NSD1: variants seen among roughly 807,000 people sequenced by gnomAD.
NSD1 encodes the protein nuclear receptor binding SET domain protein 1, also known as histone-lysine N-methyltransferase, H3 lysine-36 specific.
In NSD1, 26 loss-of-function variants were observed where a neutral mutation model predicts 242.7. That is an observed-to-expected ratio of 0.11 (90% confidence interval 0.08 to 0.15). The LOEUF (loss-of-function observed/expected upper bound fraction) is 0.15. Ranked by LOEUF, NSD1 falls within the 10% of genes least tolerant of loss-of-function variation. The probability of loss-of-function intolerance (pLI) is 1.00; values close to 1 mark genes in which losing one functional copy is unlikely to be tolerated. For synonymous variants in NSD1, 1,106 were observed against 1,178.1 expected, an observed-to-expected ratio of 0.94 and a Z score of 1.25; for missense variants, 2,495 against 3,272.8, an observed-to-expected ratio of 0.76 and a Z score of 5.80.
At chr5:177,149,254 T>C (rs933001276) in intron 2 of NSD1, among the ~76,000 whole-genome samples, 1 of 152,086 alleles carries the variant, frequency 6.6e-6, no homozygotes, top group African/African-American at 2.4e-5. Context: ...ATGTTGCTCT[T>C]GTTGCCCAGA....
In NSD1 at chr5:177,263,175, C is replaced by T. The variant is rs541156418; in HGVS notation, c.5146+3007C>T. On this transcript the variant is annotated intron_variant, in intron 14 of 22. Transcript: ENST00000439151. Reference sequence around the variant, plus strand: ...CCTGAGGTTGTGTCATGGACGTGATCGTCACCTTGGCAAAATAAACTTTCT... The same window carrying T: ...CCTGAGGTTGTGTCATGGACGTGATTGTCACCTTGGCAAAATAAACTTTCT... Among the ~76,000 whole-genome samples, 35 of 152,338 alleles carry T rather than the reference C, an allele frequency of 2.3e-4. 1 individual carries two copies. The South Asian group carries it at 6.6e-3, about 29-fold the overall frequency.
chr5:177,139,840 C>A (rs1756662220), intron 2 of NSD1, among the ~76,000 whole-genome samples: 1 of 151,414 alleles, frequency 6.6e-6, no homozygotes, highest in Non-Finnish European at 1.5e-5. Flanking sequence ...ACTCAGGAGG[C>A]TGAGGCAGTA....
At chr5:177,140,481 G>A (rs553781980) in intron 2 of NSD1, among the ~76,000 whole-genome samples, 1 of 152,216 alleles carries the variant, frequency 6.6e-6, no homozygotes, top group African/African-American at 2.4e-5. Context: ...TTGAGTAGAG[G>A]AGATTAGAGG....
Position 177,210,309 on chromosome 5 carries a change from G to C in NSD1, c.1910G>C (p.Ser637Thr). Residue 637 changes from serine to threonine, a missense_variant, in exon 5 of 23, where the codon AGT becomes ACT. This residue lies in a region of NSD1 where 515 missense variants were observed against 467.0 expected (regional missense o/e 1.10). Coordinates refer to ENST00000439151, the MANE Select transcript of NSD1 (RefSeq NM_022455.5). The part of the protein sequence containing the change: ...GDEEKRSDSI[S>T]ICTTSDDGSS... ...GAGGAAAAGCGAAGTGATTCCATTA[G>C]TATCTGTACCACTTCTGATGATGGA... 6.2e-7 allele frequency: 1 copy of C among 1,613,418 alleles called. No individual in the cohort carries two copies. Among genetic ancestry groups the C allele is most frequent in the South Asian group, 1.1e-5 (1 of 90,996 alleles).
At chr5:177,201,562 CTTT>C (rs754318510) in intron 3 of NSD1, among the ~76,000 whole-genome samples, 1 of 127,248 alleles carries the variant, frequency 7.9e-6, no homozygotes, top group Non-Finnish European at 1.7e-5. Context: ...TAACTGTTTA[CTTT>C]TTTTTTTTTT....
intron 14 of NSD1, among the ~76,000 whole-genome samples, chr5:177,261,141 C>A (rs936367320): frequency 2.0e-4 from 31 of 152,116 alleles, no homozygotes; most frequent in Admixed American, 1.9e-3. Context: ...TGCTGCCACG[C>A]CACTCCCCAT....
In NSD1 at chr5:177,211,776, G is replaced by A; in HGVS notation, c.3377G>A (p.Gly1126Glu). 3 of 1,614,086 alleles carry A rather than the reference G, an allele frequency of 1.9e-6. No individual in the cohort carries two copies. The highest frequency in any genetic ancestry group is 2.5e-6 in the Non-Finnish European group (3 of 1,180,016). ...QSDPGKISEK[G>E]LSFENGKGPE... ...GATCCTGGTAAAATTTCTGAAAAAGGACTCTCTTTTGAAAACGGAAAAGGC... is the reference window on the plus strand; with the variant it reads ...GATCCTGGTAAAATTTCTGAAAAAGAACTCTCTTTTGAAAACGGAAAAGGC... The change falls in exon 5 of 23, where the codon GGA becomes GAA. Residue 1126 changes from glycine to glutamate, a missense_variant. Coordinates refer to ENST00000439151, the MANE Select transcript of NSD1 (RefSeq NM_022455.5).
intron 2 of NSD1, among the ~76,000 whole-genome samples, chr5:177,152,309 T>TTG (rs34710422): frequency 2.1e-5 from 3 of 145,464 alleles, no homozygotes; most frequent in Admixed American, 1.4e-4. Flanking sequence ...CCGAGCCAGG[T>TTG]TGTGTGTGTG....
At chr5:177,217,050 G>A (rs1216669496) in intron 5 of NSD1, among the ~76,000 whole-genome samples, 1 of 151,368 alleles carries the variant, frequency 6.6e-6, no homozygotes, top group Non-Finnish European at 1.5e-5. Context: ...AAAAAAAATG[G>A]CTTTTGAGAT....
At chr5:177,249,699 G>A (rs1349815285) in intron 11 of NSD1, among the ~76,000 whole-genome samples, 2 of 152,130 alleles carry the variant, frequency 1.3e-5, no homozygotes, top group Non-Finnish European at 2.9e-5. Flanking sequence ...GTGTTGGCGA[G>A]GATGGTCTCG....
chr5:177,196,633 T>C (rs1418279085), intron 3 of NSD1, among the ~76,000 whole-genome samples: 1 of 152,086 alleles, frequency 6.6e-6, no homozygotes, highest in African/African-American at 2.4e-5. Flanking sequence ...CATCTATAAC[T>C]CAGAAAGGAC....
At chr5:177,159,537 G>A (rs191468641) in intron 2 of NSD1, among the ~76,000 whole-genome samples, 1 of 151,412 alleles carries the variant, frequency 6.6e-6, no homozygotes, top group Non-Finnish European at 1.5e-5. Context: ...GCCCACCTAA[G>A]CCTTCCAAAG....
chr5:177,292,299 T>C (rs933812946), intron 22 of NSD1, 141 bp downstream of exon 22: 2 of 840,130 alleles, frequency 2.4e-6, no homozygotes, highest in African/African-American at 1.7e-5. Flanking sequence ...TTTTCTTATT[T>C]TGGAAATAAT....
intron 2 of NSD1, among the ~76,000 whole-genome samples, chr5:177,162,057 G>A (rs1452783098): frequency 6.6e-6 from 1 of 152,002 alleles, no homozygotes; most frequent in African/African-American, 2.4e-5. Flanking sequence ...CAGCACTTTG[G>A]GAGGCTGAGG....
chr5:177,285,532 C>G (rs1405882543), intron 20 of NSD1, among the ~76,000 whole-genome samples: 1 of 123,172 alleles, frequency 8.1e-6, no homozygotes, highest in Non-Finnish European at 1.6e-5. Context: ...CCACTGCACT[C>G]TAGCCCGGGC....
At chr5:177,214,653 A>G (rs1481897981) in intron 5 of NSD1, among the ~76,000 whole-genome samples, 1 of 144,770 alleles carries the variant, frequency 6.9e-6, no homozygotes, top group South Asian at 2.2e-4. Context: ...ATGTTGTAGC[A>G]TATGACAGGA....
At chr5:177,186,601 A>G (rs1761253575) in intron 2 of NSD1, among the ~76,000 whole-genome samples, 1 of 152,226 alleles carries the variant, frequency 6.6e-6, no homozygotes, top group Non-Finnish European at 1.5e-5. Flanking sequence ...TTAGAGTTGT[A>G]GAGATGTCTT....
Position 177,210,263 on chromosome 5 carries a change from T to G in NSD1, c.1864T>G (p.Cys622Gly). ...GGTGTGTGGTTCAAAAGTGAAGCTCTGCTATATTGGAGCAGGTGATGAGGA... is the reference window on the plus strand; with the variant it reads ...GGTGTGTGGTTCAAAAGTGAAGCTCGGCTATATTGGAGCAGGTGATGAGGA... ...SLVCGSKVKL[C>G]YIGAGDEEKR... is the part of the protein sequence containing the mutation. The change falls in exon 5 of 23, where the codon TGC (cysteine) becomes GGC (glycine). Residue 622 changes from cysteine to glycine, a missense_variant. Cys to Gly is a radical substitution (Grantham distance 159, BLOSUM62 -3). Around this residue, in one of 19 missense-constraint regions of NSD1, gnomAD observed 515 missense variants for 467.0 expected, o/e 1.10. Transcript: ENST00000439151. 6.2e-7 allele frequency: 1 copy of G among 1,604,948 alleles called. No homozygotes were observed. The highest frequency in any genetic ancestry group is 8.5e-7 in the Non-Finnish European group (1 of 1,175,332).
chr5:177,284,034 G>A (rs556214832), intron 20 of NSD1, 106 bp downstream of exon 20: 57 of 1,343,760 alleles, frequency 4.2e-5, no homozygotes, highest in South Asian at 3.6e-4. Context: ...TATATGTACC[G>A]TTCTCTGGAA....
Sources: allele counts gnomAD v4.1 joint callset (sites outside exome capture counted in the v4.1 genomes callset), GRCh38; gene constraint gnomAD v4.1.1; regional missense constraint gnomAD v4.1.1; transcripts MANE v1.5; gene names NCBI Gene and HGNC (gene_info 2026-07-23, HGNC 2026-07-21).